Variants in GNB1 observed in about 807,000 individuals in gnomAD.
The protein encoded by GNB1 is G protein subunit beta 1.
In GNB1, 2 loss-of-function variants were observed where a neutral mutation model predicts 42.9. The ratio of observed to expected loss-of-function variants is 0.05; its 90% CI spans 0.02 to 0.15. The LOEUF is 0.15. Among genes scored for constraint, GNB1 ranks in the 10% least tolerant of loss-of-function variants. The pLI is 1.00. For synonymous variants in GNB1, 183 were observed against 174.7 expected (o/e 1.05, Z -0.38); for missense variants, 193 against 462.2 (o/e 0.42, Z 5.34).
chr1:1,800,024 AG>A (rs1387427391), intron 7 of GNB1, among the ~76,000 whole-genome samples: 1 of 152,262 alleles, frequency 6.6e-6, no homozygotes, highest in Non-Finnish European at 1.5e-5. Flanking sequence ...CAAGAAAGAC[AG>A]AGATAGACTG....
intron 1 of GNB1, among the ~76,000 whole-genome samples, chr1:1,842,561 T>C (rs1232037391): frequency 6.6e-6 from 1 of 151,944 alleles, no homozygotes; most frequent in East Asian, 1.9e-4. Flanking sequence ...ACATGAAATA[T>C]CCGGAACACA....
At chr1:1,850,888 T>C (rs1351774137) in intron 1 of GNB1, among the ~76,000 whole-genome samples, 1 of 152,230 alleles carries the variant, frequency 6.6e-6, no homozygotes, top group East Asian at 1.9e-4. Flanking sequence ...GAGGGGTTAA[T>C]TCAATCTAGT....
At chr1:1,878,802 C>T (rs1171551556) in intron 1 of GNB1, among the ~76,000 whole-genome samples, 2 of 152,144 alleles carry the variant, frequency 1.3e-5, no homozygotes, top group Non-Finnish European at 2.9e-5. Flanking sequence ...GCAGACAGAG[C>T]CTCCCCTAGC....
intron 1 of GNB1, among the ~76,000 whole-genome samples, chr1:1,843,549 G>T (rs1422958191): frequency 1.3e-5 from 2 of 152,116 alleles, no homozygotes; most frequent in Middle Eastern, 3.2e-3. Flanking sequence ...TGCCTAGATT[G>T]CCCTGTGGCT....
intron 1 of GNB1, among the ~76,000 whole-genome samples, chr1:1,859,907 G>A (rs185994136): frequency 6.6e-6 from 1 of 151,462 alleles, no homozygotes; most frequent in Admixed American, 6.6e-5. Context: ...GTTGTGGGGT[G>A]GGGGGAGAGG....
intron 1 of GNB1, among the ~76,000 whole-genome samples, chr1:1,879,966 C>T (rs564068055): frequency 6.6e-6 from 1 of 152,106 alleles, no homozygotes; most frequent in African/African-American, 2.4e-5. Flanking sequence ...GGGCCTCACT[C>T]TGTCACCCAG....
intron 7 of GNB1, among the ~76,000 whole-genome samples, chr1:1,801,625 A>C (rs957431636): frequency 6.1e-4 from 93 of 152,348 alleles, no homozygotes; most frequent in African/African-American, 2.0e-3. Flanking sequence ...CAAAGCCCAC[A>C]GACAAAGTAA....
At chr1:1,832,771 G>A (rs977932799) in intron 2 of GNB1, among the ~76,000 whole-genome samples, 3 of 152,148 alleles carry the variant, frequency 2.0e-5, no homozygotes, top group African/African-American at 7.2e-5. Flanking sequence ...GTTTGCCAAT[G>A]ACAAAATAGG....
intron 1 of GNB1, among the ~76,000 whole-genome samples, chr1:1,874,605 TA>T (rs34864042): frequency 0.28 from 13,113 of 46,786 alleles, 1,159 homozygotes; most frequent in African/African-American, 0.32. Context: ...AGACTCCATC[TA>T]AAAAAAAAAA....
intron 1 of GNB1, among the ~76,000 whole-genome samples, chr1:1,872,120 G>A (rs548419861): frequency 1.3e-5 from 2 of 151,576 alleles, no homozygotes; most frequent in South Asian, 4.2e-4. Flanking sequence ...TCCCTCCTCA[G>A]CCTCCCCAGT....
chr1:1,789,651 C>A (rs1646455326), intron 9 of GNB1, among the ~76,000 whole-genome samples: 1 of 146,294 alleles, frequency 6.8e-6, no homozygotes, highest in South Asian at 2.1e-4. Context: ...GCCAAGATTG[C>A]ACCATTGCAC....
At chr1:1,859,146 C>CAAGTAGCCAGGATTAGAGGCAT (rs1178380148) in intron 1 of GNB1, among the ~76,000 whole-genome samples, 26 of 151,828 alleles carry the variant, frequency 1.7e-4, no homozygotes, top group Non-Finnish European at 1.2e-4. Context: ...CTCAGCCTCC[C>CAAGTAGCCAGGATTAGAGGCAT]AAGTAGCCAG....
intron 1 of GNB1, among the ~76,000 whole-genome samples, chr1:1,840,042 C>T (rs962620929): frequency 2.1e-5 from 3 of 141,430 alleles, no homozygotes; most frequent in African/African-American, 7.6e-5. Flanking sequence ...TGGCAGCGAA[C>T]TAAAAAAAAA....
chr1:1,820,109 C>A (rs1388612737), intron 3 of GNB1, among the ~76,000 whole-genome samples: 1 of 152,088 alleles, frequency 6.6e-6, no homozygotes, highest in South Asian at 2.1e-4. Flanking sequence ...GTAATCCCAA[C>A]ACCTCAGGCG....
chr1:1,821,748 C>A (rs1435941359), intron 3 of GNB1, among the ~76,000 whole-genome samples: 1 of 152,190 alleles, frequency 6.6e-6, no homozygotes, highest in Non-Finnish European at 1.5e-5. Context: ...GCAAACGGAA[C>A]CAGGAGACTT....
At chr1:1,788,203 T>A (rs1646432745) in intron 10 of GNB1, 1 of 152,278 alleles carries the variant, frequency 6.6e-6, no homozygotes, top group Admixed American at 6.5e-5. Flanking sequence ...GTCACTGTCA[T>A]GTGATGAGGG....
intron 1 of GNB1, among the ~76,000 whole-genome samples, chr1:1,883,278 C>CAAAAAAA (rs70937202): frequency 1.3e-5 from 1 of 75,388 alleles, no homozygotes. Flanking sequence ...AACCCTGTCC[C>CAAAAAAA]AAAAAAAAAA....
At chr1:1,862,009 G>A (rs185475826) in intron 1 of GNB1, among the ~76,000 whole-genome samples, 3 of 152,126 alleles carry the variant, frequency 2.0e-5, no homozygotes, top group Non-Finnish European at 2.9e-5. Context: ...GGAGGTTGCA[G>A]TGAGCTGAGA....
At chr1:1,836,563 T>A (rs988395285) in intron 2 of GNB1, among the ~76,000 whole-genome samples, 3 of 152,132 alleles carry the variant, frequency 2.0e-5, no homozygotes, top group Admixed American at 2.0e-4. Flanking sequence ...GGCTAAATTT[T>A]TTTTTTGGAG....
Sources: gnomAD v4.1 joint callset for allele counts (sites outside exome capture counted in the v4.1 genomes callset) on GRCh38, gnomAD v4.1.1 for gene constraint, MANE v1.5 for transcripts, NCBI Gene and HGNC (gene_info 2026-07-23, HGNC 2026-07-21) for gene names.